The following ZNF704 variants were observed in gnomAD, a reference collection of about 807,000 sequenced individuals.
The protein encoded by ZNF704 is zinc finger protein 704.
A neutral mutation model predicts 44.7 loss-of-function variants in ZNF704; 10 were observed. The ratio of observed to expected loss-of-function variants is 0.22; its 90% CI spans 0.14 to 0.38. ZNF704 has a LOEUF of 0.38. Ranked by LOEUF, ZNF704 falls within the 10% of genes least tolerant of loss-of-function variation. The pLI is 1.00. For synonymous variants in ZNF704, 211 were observed against 207.6 expected (o/e 1.02, Z -0.14); for missense variants, 390 against 545.5 (o/e 0.71, Z 2.84).
chr8:80,668,070 G>T (rs1818223071), intron 5 of ZNF704, among the ~76,000 whole-genome samples: 2 of 152,302 alleles, frequency 1.3e-5, no homozygotes, highest in South Asian at 4.1e-4. Flanking sequence ...CTGAAACATA[G>T]AACATTATAC....
At chr8:80,844,761 A>G (rs1808740088) in intron 1 of ZNF704, among the ~76,000 whole-genome samples, 1 of 152,180 alleles carries the variant, frequency 6.6e-6, no homozygotes, top group Non-Finnish European at 1.5e-5. Context: ...AATTTTATGT[A>G]GAGACAATCA....
intron 2 of ZNF704, among the ~76,000 whole-genome samples, chr8:80,769,734 C>T (rs111784015): frequency 0.074 from 11,334 of 152,276 alleles, 505 homozygotes; most frequent in Middle Eastern, 0.13. Context: ...AACTTTCCCA[C>T]ATTTTCTGTC....
chr8:80,755,311 C>A (rs1807016803), intron 2 of ZNF704, among the ~76,000 whole-genome samples: 1 of 151,982 alleles, frequency 6.6e-6, no homozygotes, highest in Non-Finnish European at 1.5e-5. Context: ...CTAAATTAGC[C>A]ACGTGTGGTG....
Position 80,676,504 on chromosome 8 carries a change from C to A in ZNF704, c.559-5901G>T, listed in dbSNP as rs368392280. On this transcript the variant is annotated intron_variant, in intron 4 of 8. Transcript: ENST00000327835. ...GGAAACCAGATGGTGGCTGCAGATGCAGTTAATTTGCTAATTTGGTGGAGA... is the reference window on the plus strand; with the variant it reads ...GGAAACCAGATGGTGGCTGCAGATGAAGTTAATTTGCTAATTTGGTGGAGA... Among the ~76,000 whole-genome samples, 105 of 152,144 alleles carry A rather than the reference C, an allele frequency of 6.9e-4. 1 individual carries two copies. Among genetic ancestry groups the A allele is most frequent in the African/African-American group, 2.3e-3 (97 of 41,502 alleles).
At chr8:80,741,692 G>A (rs1033890502) in intron 2 of ZNF704, among the ~76,000 whole-genome samples, 1 of 152,216 alleles carries the variant, frequency 6.6e-6, no homozygotes, top group Non-Finnish European at 1.5e-5. Flanking sequence ...AGACAATGAA[G>A]AAAAGATAGA....
At chr8:80,710,261 T>C (rs1818963467) in intron 2 of ZNF704, among the ~76,000 whole-genome samples, 1 of 151,130 alleles carries the variant, frequency 6.6e-6, no homozygotes, top group Non-Finnish European at 1.5e-5. Context: ...TCAACCTCTT[T>C]AAATAAATCA....
At chr8:80,839,238 C>T (rs1373716989) in intron 1 of ZNF704, among the ~76,000 whole-genome samples, 1 of 152,148 alleles carries the variant, frequency 6.6e-6, no homozygotes, top group Non-Finnish European at 1.5e-5. Context: ...TCAGTGGTTG[C>T]CACAGTCTAA....
rs146123589 is a variant in ZNF704 at position 80,724,658 on chromosome 8, C to T, written c.222-31551G>A. Reference sequence around the variant, plus strand: ...CTTAGGAGTTGTCAGGCTTCGTTCCCCTTCTTTCCTCCTTATACCCGACTG... The same window carrying T: ...CTTAGGAGTTGTCAGGCTTCGTTCCTCTTCTTTCCTCCTTATACCCGACTG... On this transcript the variant is annotated intron_variant, in intron 2 of 8. Transcript: ENST00000327835. Among the ~76,000 whole-genome samples the T allele has an allele frequency of 2.0e-4, 31 of 152,204 alleles. 1 individual carries two copies. The highest frequency in any genetic ancestry group is 7.0e-4 in the African/African-American group (29 of 41,534).
chr8:80,685,487 C>T (rs1429691590), intron 4 of ZNF704, among the ~76,000 whole-genome samples: 1 of 152,178 alleles, frequency 6.6e-6, no homozygotes, highest in Non-Finnish European at 1.5e-5. Context: ...CTGTGAAGCT[C>T]AAAGTAACAG....
intron 2 of ZNF704, among the ~76,000 whole-genome samples, chr8:80,779,330 C>T (rs1027673374): frequency 1.3e-5 from 2 of 152,190 alleles, no homozygotes; most frequent in South Asian, 2.1e-4. Flanking sequence ...CAACCCCTGC[C>T]TCCCAGGTTT....
chr8:80,791,268 C>G (rs149385326), intron 2 of ZNF704, among the ~76,000 whole-genome samples: 1 of 152,200 alleles, frequency 6.6e-6, no homozygotes, highest in Non-Finnish European at 1.5e-5. Flanking sequence ...TGCTCATACT[C>G]TGCACTTGTG....
chr8:80,856,794 C>A (rs1808969793), intron 1 of ZNF704, among the ~76,000 whole-genome samples: 1 of 152,092 alleles, frequency 6.6e-6, no homozygotes, highest in Non-Finnish European at 1.5e-5. Flanking sequence ...TTAAGTCTTC[C>A]AATTTTGGTC....
Position 80,726,315 on chromosome 8 carries a change from G to A in ZNF704, c.222-33208C>T, listed in dbSNP as rs190584128. 9.9e-5 allele frequency among the ~76,000 whole-genome samples: 15 copies of A among 152,064 alleles called. No individual in the cohort carries two copies. In the East Asian group the frequency reaches 1.7e-3, roughly 18 times the overall value. On this transcript the variant is annotated intron_variant, in intron 2 of 8. Transcript: ENST00000327835. ...CAGCTCTGTAAAAGCAAGAATTTAC[G>A]ACATATTTAGAAATTCCTTTTTTAA... is the stretch of plus-strand genomic sequence containing the variant.
intron 2 of ZNF704, among the ~76,000 whole-genome samples, chr8:80,746,391 T>C (rs565509940): frequency 1.3e-5 from 2 of 152,322 alleles, no homozygotes; most frequent in East Asian, 3.9e-4. Flanking sequence ...CTATTACCCA[T>C]TGTATTCACT....
At chr8:80,680,762 T>G (rs1350078035) in intron 4 of ZNF704, among the ~76,000 whole-genome samples, 1 of 152,144 alleles carries the variant, frequency 6.6e-6, no homozygotes, top group African/African-American at 2.4e-5. Flanking sequence ...GGGGCTTTAT[T>G]TATTTATTTG....
chr8:80,694,254 A>G lies in ZNF704; in HGVS notation c.222-1147T>C, dbSNP rs545156506. ...TTGTTAAAGTGAAGAGCCACTGGTA[A>G]TCATTCACTGAGATGAAGAGGTTGC... On this transcript the variant is annotated intron_variant, in intron 2 of 8. Transcript: ENST00000327835. 4 of 152,348 alleles carry G rather than the reference A, an allele frequency of 2.6e-5. No individual in the cohort carries two copies. The South Asian group carries it at 6.2e-4, about 24-fold the overall frequency. The allele number at this position is 152,348 out of a possible 1,614,324, so 9.4% of individuals were successfully genotyped here.
At chr8:80,793,291 T>C (rs1291179213) in intron 2 of ZNF704, among the ~76,000 whole-genome samples, 1 of 152,186 alleles carries the variant, frequency 6.6e-6, no homozygotes, top group Non-Finnish European at 1.5e-5. Context: ...AGATGATACA[T>C]GTTATCTGGA....
chr8:80,855,619 G>C (rs1808947057), intron 1 of ZNF704, among the ~76,000 whole-genome samples: 1 of 152,148 alleles, frequency 6.6e-6, no homozygotes, highest in African/African-American at 2.4e-5. Context: ...TAACAGGGAA[G>C]GGTAATGGGG....
chr8:80,843,961 ATATATATGTG>A (rs1159537838), intron 1 of ZNF704, among the ~76,000 whole-genome samples: 3 of 138,592 alleles, frequency 2.2e-5, no homozygotes, highest in African/African-American at 6.0e-5. Flanking sequence ...ATATATGTGT[ATATATATGTG>A]TATATATATA....
Sources: gnomAD v4.1 joint callset for allele counts (sites outside exome capture counted in the v4.1 genomes callset) on GRCh38, gnomAD v4.1.1 for gene constraint, MANE v1.5 for transcripts, NCBI Gene and HGNC (gene_info 2026-07-23, HGNC 2026-07-21) for gene names.